NCOA2: variants seen among roughly 807,000 people sequenced by gnomAD.
NCOA2 encodes nuclear receptor coactivator 2.
A neutral mutation model predicts 145.1 loss-of-function variants in NCOA2; 21 were observed. The observed-to-expected ratio is 0.14, with a 90% CI of 0.10 to 0.21. NCOA2 has a LOEUF of 0.21. Ranked by LOEUF, NCOA2 falls within the 10% of genes least tolerant of loss-of-function variation. The probability of loss-of-function intolerance (pLI) is 1.00; values close to 1 mark genes in which losing one functional copy is unlikely to be tolerated. For synonymous variants in NCOA2, 619 were observed against 637.5 expected, an observed-to-expected ratio of 0.97 and a Z score of 0.44; for missense variants, 1,472 against 1,837.6, an observed-to-expected ratio of 0.80 and a Z score of 3.64.
chr8:70,311,229 C>T (rs1805091354), intron 1 of NCOA2, among the ~76,000 whole-genome samples: 1 of 151,838 alleles, frequency 6.6e-6, no homozygotes, highest in African/African-American at 2.4e-5. Flanking sequence ...AAGAAACATA[C>T]CTGCCCTTTT....
At chr8:70,292,075 A>AAAAAAAAAAAAGTCTC (rs1826736701) in intron 2 of NCOA2, among the ~76,000 whole-genome samples, 1 of 105,678 alleles carries the variant, frequency 9.5e-6, no homozygotes, top group African/African-American at 5.7e-5. Context: ...ACGCCGTCTC[A>AAAAAAAAAAAAGTCTC]AAAAAAAAAA....
intron 1 of NCOA2, among the ~76,000 whole-genome samples, chr8:70,365,248 A>G (rs920387598): frequency 1.3e-5 from 2 of 152,092 alleles, no homozygotes; most frequent in Non-Finnish European, 2.9e-5. Flanking sequence ...GGGAAAACAG[A>G]TTGAGCCTGC....
In NCOA2 at chr8:70,343,755, G is replaced by A. The variant is rs12679698; in HGVS notation, c.-76-46955C>T. Among the ~76,000 whole-genome samples, 59 of 150,988 alleles carry A rather than the reference G, an allele frequency of 3.9e-4. No individual in the cohort carries two copies. The East Asian group carries it at 9.4e-3, about 24-fold the overall frequency. On this transcript the variant is annotated intron_variant, in intron 1 of 22. Coordinates refer to ENST00000452400, the MANE Select transcript of NCOA2 (RefSeq NM_006540.4). ...GAACCCGGGAGGCAGAGGTTGCAGT[G>A]AGCCAAGATCGTGCCACTGCACTCT...
chr8:70,128,598 A>T (rs1808721879), intron 17 of NCOA2, 88 bp from the exon 18 acceptor site: 2 of 1,590,462 alleles, frequency 1.3e-6, no homozygotes. Flanking sequence ...GCCCTCCCCA[A>T]CCCAGTATCT....
chr8:70,141,838 C>CTA (rs1810473035), intron 13 of NCOA2, among the ~76,000 whole-genome samples: 1 of 152,298 alleles, frequency 6.6e-6, no homozygotes, highest in Non-Finnish European at 1.5e-5. Context: ...ATCTTGAAGT[C>CTA]TATATGAGAC....
chr8:70,451,164 G>A, the NCOA2 span, among the ~76,000 whole-genome samples: 1 of 141,132 alleles, frequency 7.1e-6, no homozygotes, highest in Non-Finnish European at 1.5e-5. Context: ...CTTGCAGTAA[G>A]CTGAGATCGC....
the NCOA2 span, among the ~76,000 whole-genome samples, chr8:70,438,917 A>G: frequency 2.6e-5 from 4 of 152,220 alleles, no homozygotes; most frequent in African/African-American, 9.6e-5. Flanking sequence ...TAGGCCCTAC[A>G]TTCCAATGGT....
chr8:70,419,099 T>C, the NCOA2 span, among the ~76,000 whole-genome samples: 1 of 150,360 alleles, frequency 6.7e-6, no homozygotes, highest in East Asian at 1.9e-4. Context: ...TTGTAGGATT[T>C]TATAAAAAAA....
intron 4 of NCOA2, among the ~76,000 whole-genome samples, chr8:70,196,411 C>CT (rs1224499189): frequency 6.6e-6 from 1 of 152,098 alleles, no homozygotes; most frequent in African/African-American, 2.4e-5. Context: ...ATAACCTTTC[C>CT]TTTTTTCTCT....
In NCOA2 at chr8:70,161,695, A is replaced by C. The variant is rs77226294; in HGVS notation, c.976+1016T>G. ...AACTCCATTTTCAATAACTAGCTACAAATTTTTTTCTGCAAGGATGCAGAC... is the reference window on the plus strand; with the variant it reads ...AACTCCATTTTCAATAACTAGCTACCAATTTTTTTCTGCAAGGATGCAGAC... On this transcript the variant is annotated intron_variant, in intron 9 of 22. Coordinates refer to ENST00000452400, the MANE Select transcript of NCOA2 (RefSeq NM_006540.4). Among the ~76,000 whole-genome samples the C allele has an allele frequency of 2.2e-4, 34 of 152,292 alleles. 2 individuals are homozygous for C. The East Asian group carries it at 6.6e-3, about 29-fold the overall frequency.
intron 1 of NCOA2, among the ~76,000 whole-genome samples, chr8:70,392,259 G>A (rs1358293563): frequency 1.3e-5 from 2 of 152,114 alleles, no homozygotes; most frequent in Non-Finnish European, 2.9e-5. Context: ...AAAGGATCAG[G>A]GGAGCTAGGA....
chr8:70,240,664 T>A (rs1288704155), intron 2 of NCOA2, among the ~76,000 whole-genome samples: 3 of 152,236 alleles, frequency 2.0e-5, no homozygotes, highest in Non-Finnish European at 4.4e-5. Flanking sequence ...GTTACATTGC[T>A]GTTGACTGTG....
At position 70,403,775 on chromosome 8, in the gene NCOA2, C is replaced by G. The variant is rs1814614660; in HGVS notation, c.-152G>C. The stretch of plus-strand genomic sequence containing the variant: ...TTCGCCGCCGAAGCTGTAGCCGAGG[C>G]TGCGGCCGCCATGTTCCCGTGTTAA... On this transcript the variant is annotated 5_prime_UTR_variant, in exon 1 of 23. Transcript: ENST00000452400. The G allele has an allele frequency of 7.5e-6, 3 of 397,998 alleles. No individual in the cohort carries two copies. Among genetic ancestry groups the G allele is most frequent in the Non-Finnish European group, 1.3e-5 (3 of 225,644 alleles). 24.7% of individuals were successfully genotyped at this position (397,998 alleles called of 1,614,324 possible). A position where few individuals can be genotyped will look rare whatever the true frequency, so the allele number is the denominator to read the frequency against.
chr8:70,160,677 GAGAGGGAGA>G (rs1812856937), intron 9 of NCOA2, among the ~76,000 whole-genome samples: 1 of 145,440 alleles, frequency 6.9e-6, no homozygotes, highest in South Asian at 2.1e-4. Flanking sequence ...GAGAGAGAGA[GAGAGGGAGA>G]GAGAGAGAGA....
At chr8:70,251,398 T>C (rs1823162482) in intron 2 of NCOA2, among the ~76,000 whole-genome samples, 1 of 152,216 alleles carries the variant, frequency 6.6e-6, no homozygotes, top group Non-Finnish European at 1.5e-5. Flanking sequence ...TGGAATAATA[T>C]ACAAATAGCA....
intron 1 of NCOA2, among the ~76,000 whole-genome samples, chr8:70,391,961 T>C (rs1356518140): frequency 2.6e-5 from 4 of 152,350 alleles, no homozygotes; most frequent in Non-Finnish European, 5.9e-5. Context: ...TGAAGAATCA[T>C]ATCTGTAATT....
intron 1 of NCOA2, among the ~76,000 whole-genome samples, chr8:70,319,101 T>C (rs2136129157): frequency 6.6e-6 from 1 of 152,304 alleles, no homozygotes; most frequent in Admixed American, 6.5e-5. Flanking sequence ...TAGGGTTGCC[T>C]AGCTAACAAC....
the NCOA2 span, among the ~76,000 whole-genome samples, chr8:70,435,248 A>T: frequency 6.7e-6 from 1 of 150,234 alleles, no homozygotes; most frequent in African/African-American, 2.5e-5. Flanking sequence ...ACACGGTGAA[A>T]CCCCGTCTCT....
chr8:70,305,046 ATTCT>A (rs1408978467), intron 1 of NCOA2, among the ~76,000 whole-genome samples: 29 of 134,592 alleles, frequency 2.2e-4, no homozygotes, highest in African/African-American at 7.8e-4. Flanking sequence ...TTATTTATTC[ATTCT>A]TTTTTTTTTT....
Sources: allele counts gnomAD v4.1 joint callset (sites outside exome capture counted in the v4.1 genomes callset), GRCh38; gene constraint gnomAD v4.1.1; transcripts MANE v1.5; gene names NCBI Gene and HGNC (gene_info 2026-07-23, HGNC 2026-07-21).